The following ZRANB3 variants were observed in gnomAD, a reference collection of about 807,000 sequenced individuals.
ZRANB3 encodes the protein DNA annealing helicase and endonuclease ZRANB3.
In ZRANB3, 125 loss-of-function variants were observed where a neutral mutation model predicts 133.8. The observed-to-expected ratio is 0.93, with a 90% CI of 0.81 to 1.08. The LOEUF (loss-of-function observed/expected upper bound fraction) is 1.08. ZRANB3 is among the 50% of genes least tolerant of loss of function. The pLI is 0.00. For synonymous variants in ZRANB3, 387 were observed against 432.7 expected (o/e 0.89, Z 1.31); for missense variants, 1,229 against 1,275.5 (o/e 0.96, Z 0.56).
rs557698133 is a variant in ZRANB3 at position 135,233,849 on chromosome 2, G to C, written c.1540-2922C>G. On this transcript the variant is annotated intron_variant, in intron 12 of 20. Transcript: ENST00000264159. ...AGCCACTGCAAAAACATGCCAAATT[G>C]TAAAGACCATCGAGGCTAGGAAGAA... is the stretch of plus-strand genomic sequence containing the variant. Among the ~76,000 whole-genome samples, 3 of 152,184 alleles carry C rather than the reference G, an allele frequency of 2.0e-5. No individual in the cohort carries two copies. The South Asian group carries it at 6.2e-4, about 32-fold the overall frequency.
At chr2:135,364,857 T>C (rs1247439875) in intron 3 of ZRANB3, among the ~76,000 whole-genome samples, 4 of 152,152 alleles carry the variant, frequency 2.6e-5, no homozygotes, top group Non-Finnish European at 5.9e-5. Flanking sequence ...GAGACCAGCC[T>C]GGCCAATATG....
Position 135,516,450 on chromosome 2 carries a change from AAGGCAGGCCTGGTGG to A in ZRANB3, c.-7-11969_-7-11955del, listed in dbSNP as rs1196494373. ...TAGTGCTTCCTTCAGGAGCTCTTGT[AAGGCAGGCCTGGTGG>A]TGAGAAAATCTCTCAGCATTTGCTT... is the stretch of plus-strand genomic sequence containing the variant. On this transcript the variant is annotated intron_variant, in intron 1 of 20. Coordinates refer to ENST00000264159, the MANE Select transcript of ZRANB3 (RefSeq NM_032143.4). Among the ~76,000 whole-genome samples, 4 of 152,320 alleles carry A rather than the reference AAGGCAGGCCTGGTGG, an allele frequency of 2.6e-5. No homozygotes were observed. In the East Asian group the frequency reaches 7.7e-4, roughly 29 times the overall value.
At chr2:135,209,080 A>T in intron 17 of ZRANB3, 102 bp from the exon 18 acceptor site, 1 of 1,106,256 alleles carries the variant, frequency 9.0e-7, no homozygotes, top group Non-Finnish European at 1.3e-6. Flanking sequence ...AGAAAAAGCA[A>T]GCACAATTCT....
chr2:135,314,118 C>A (rs1683137654), intron 7 of ZRANB3, among the ~76,000 whole-genome samples: 1 of 152,194 alleles, frequency 6.6e-6, no homozygotes, highest in African/African-American at 2.4e-5. Flanking sequence ...CCCACCTCGA[C>A]CTCCCAAAGT....
In ZRANB3 at chr2:135,311,322, C is replaced by A. The variant is rs2104821396; in HGVS notation, c.966+2167G>T. The stretch of plus-strand genomic sequence containing the variant: ...AAAAGATGGCAATACCTAGTGCTCA[C>A]AAAGATATCAAATGGAACTCTCATA... On this transcript the variant is annotated intron_variant, in intron 8 of 20. Coordinates refer to ENST00000264159, the MANE Select transcript of ZRANB3 (RefSeq NM_032143.4). Among the ~76,000 whole-genome samples, 4 of 152,176 alleles carry A rather than the reference C, an allele frequency of 2.6e-5. No homozygotes were observed. The South Asian group carries it at 8.3e-4, about 32-fold the overall frequency.
intron 2 of ZRANB3, among the ~76,000 whole-genome samples, chr2:135,491,047 G>A (rs924839868): frequency 3.3e-5 from 5 of 152,106 alleles, no homozygotes; most frequent in Admixed American, 2.0e-4. Context: ...CAGTTAGATA[G>A]AAGAAATAAT....
At chr2:135,491,810 C>T (rs1311445839) in intron 2 of ZRANB3, among the ~76,000 whole-genome samples, 3 of 152,118 alleles carry the variant, frequency 2.0e-5, no homozygotes, top group African/African-American at 7.2e-5. Flanking sequence ...CCACCACGCC[C>T]AGCCACATGA....
At chr2:135,469,159 G>C (rs888854156) in intron 2 of ZRANB3, among the ~76,000 whole-genome samples, 1 of 151,906 alleles carries the variant, frequency 6.6e-6, no homozygotes, top group Non-Finnish European at 1.5e-5. Context: ...AAAAGGTTCA[G>C]AAAGATTTAC....
chr2:135,201,323 A>G (rs1238508338), intron 20 of ZRANB3, among the ~76,000 whole-genome samples: 4 of 152,150 alleles, frequency 2.6e-5, no homozygotes, highest in Non-Finnish European at 5.9e-5. Context: ...ATTGAAGTCC[A>G]TGTGAGGTGT....
chr2:135,438,781 T>TA (rs1000884282), intron 2 of ZRANB3, among the ~76,000 whole-genome samples: 2 of 152,084 alleles, frequency 1.3e-5, no homozygotes, highest in Non-Finnish European at 2.9e-5. Context: ...TCAATCTGAC[T>TA]AAAAAAATAT....
intron 2 of ZRANB3, among the ~76,000 whole-genome samples, chr2:135,474,390 T>A (rs1469476374): frequency 6.6e-6 from 1 of 152,166 alleles, no homozygotes; most frequent in Admixed American, 6.5e-5. Context: ...AAATTTCTTA[T>A]TAAAATGTGA....
At chr2:135,240,902 T>A (rs1695523427) in intron 12 of ZRANB3, among the ~76,000 whole-genome samples, 1 of 152,202 alleles carries the variant, frequency 6.6e-6, no homozygotes, top group African/African-American at 2.4e-5. Flanking sequence ...AAAGGCATTG[T>A]TCTGTTTCTT....
At chr2:135,431,745 C>T (rs1689331343) in intron 2 of ZRANB3, among the ~76,000 whole-genome samples, 1 of 152,032 alleles carries the variant, frequency 6.6e-6, no homozygotes. Flanking sequence ...CAAATTAAAA[C>T]CATAGTGAAA....
chr2:135,277,557 G>T (rs990632420), intron 8 of ZRANB3, among the ~76,000 whole-genome samples: 1 of 152,118 alleles, frequency 6.6e-6, no homozygotes, highest in Non-Finnish European at 1.5e-5. Context: ...TATCAGAAAT[G>T]AAAAATATAA....
At chr2:135,319,357 G>A (rs1405406748) in intron 6 of ZRANB3, among the ~76,000 whole-genome samples, 1 of 152,114 alleles carries the variant, frequency 6.6e-6, no homozygotes, top group Non-Finnish European at 1.5e-5. Flanking sequence ...TGCTTTGACT[G>A]CCTCTTCAGG....
intron 12 of ZRANB3, among the ~76,000 whole-genome samples, chr2:135,236,168 T>G (rs1467640942): frequency 1.3e-5 from 2 of 152,194 alleles, no homozygotes; most frequent in Non-Finnish European, 2.9e-5. Flanking sequence ...AGCCAAATCA[T>G]GAGTGAACTC....
intron 8 of ZRANB3, among the ~76,000 whole-genome samples, chr2:135,302,310 G>T (rs1274695424): frequency 2.0e-5 from 3 of 152,150 alleles, no homozygotes; most frequent in African/African-American, 7.2e-5. Flanking sequence ...ATAGGTGGTT[G>T]AGGACAGAAG....
chr2:135,331,125 G>T (rs1558922171), intron 6 of ZRANB3, among the ~76,000 whole-genome samples: 1 of 152,084 alleles, frequency 6.6e-6, no homozygotes, highest in Non-Finnish European at 1.5e-5. Context: ...GTTTGCTCTT[G>T]CTTCTCTAGT....
At chr2:135,391,261 A>C (rs1359916541) in intron 2 of ZRANB3, among the ~76,000 whole-genome samples, 1 of 152,218 alleles carries the variant, frequency 6.6e-6, no homozygotes, top group Non-Finnish European at 1.5e-5. Context: ...GTATGAGAAC[A>C]TGGGCCAGTG....
Sources: gnomAD v4.1 joint callset for allele counts (sites outside exome capture counted in the v4.1 genomes callset) on GRCh38, gnomAD v4.1.1 for gene constraint, MANE v1.5 for transcripts, NCBI Gene and HGNC (gene_info 2026-07-23, HGNC 2026-07-21) for gene names.